Variants in PHLDB3 observed in about 807,000 individuals in gnomAD.
The protein encoded by PHLDB3 is pleckstrin homology like domain family B member 3.
Under a neutral mutation model 85.7 loss-of-function variants are expected in PHLDB3, and 86 were observed. The observed-to-expected ratio is 1.00, with a 90% confidence interval of 0.84 to 1.20. PHLDB3 has a LOEUF of 1.20. PHLDB3 is among the 50% of genes most tolerant of loss of function. PHLDB3 has a pLI of 0.00. For missense variants in PHLDB3, 995 were observed against 873.0 expected (o/e 1.14, Z -1.76); for synonymous variants, 376 against 349.8 (o/e 1.07, Z -0.83).
rs77019938 is a variant in PHLDB3, at chr19:43,480,217, A to C, written c.1486-624T>G. Among the ~76,000 whole-genome samples the C allele has an allele frequency of 1.4e-3, 210 of 147,456 alleles. 10 individuals carry two copies. The East Asian group carries it at 0.037, about 26-fold the overall frequency. On this transcript the variant is annotated intron_variant, in intron 13 of 15. Coordinates refer to ENST00000292140, the MANE Select transcript of PHLDB3 (RefSeq NM_198850.4). ...TGCGGTGGGAGGATCCCTTGATCCCAGAAGTTGGAAACCAGCCTGGGCAAC... is the reference window on the plus strand; with the variant it reads ...TGCGGTGGGAGGATCCCTTGATCCCCGAAGTTGGAAACCAGCCTGGGCAAC...
At chr19:43,476,234 T>C (rs1175306660) in intron 15 of PHLDB3, among the ~76,000 whole-genome samples, 2 of 152,226 alleles carry the variant, frequency 1.3e-5, no homozygotes, top group African/African-American at 4.8e-5. Flanking sequence ...GAATCCGTTA[T>C]TTGAGTACCC....
intron 13 of PHLDB3, among the ~76,000 whole-genome samples, chr19:43,481,298 C>T (rs879530607): frequency 2.6e-5 from 4 of 152,068 alleles, no homozygotes; most frequent in African/African-American, 4.8e-5. Context: ...CCTGGGGCAA[C>T]ATGGCGAAAC....
chr19:43,482,490 G>C (rs752143156), intron 13 of PHLDB3, among the ~76,000 whole-genome samples: 10 of 152,134 alleles, frequency 6.6e-5, no homozygotes, highest in Non-Finnish European at 1.0e-4. Flanking sequence ...AATAAATGAT[G>C]ATGCTAGAAG....
chr19:43,481,995 CAGAA>C (rs1971058425), intron 13 of PHLDB3, among the ~76,000 whole-genome samples: 1 of 152,140 alleles, frequency 6.6e-6, no homozygotes, highest in Non-Finnish European at 1.5e-5. Flanking sequence ...CAAATCCACA[CAGAA>C]AGACCAAGGA....
chr19:43,501,441 T>A, intron 4 of PHLDB3: 1 of 439,964 alleles, frequency 2.3e-6, no homozygotes, highest in South Asian at 2.6e-5. Flanking sequence ...CGCCTCGGCC[T>A]CCCAAAGTGC....
intron 4 of PHLDB3, among the ~76,000 whole-genome samples, chr19:43,498,247 G>A (rs1428934446): frequency 6.6e-6 from 1 of 152,186 alleles, no homozygotes; most frequent in Non-Finnish European, 1.5e-5. Context: ...GCTGAGGTGG[G>A]AGGATTGCTT....
chr19:43,487,591 A>AAAAAAAAAAAAACAAAAAAAAAAC (rs1167897767), intron 9 of PHLDB3, among the ~76,000 whole-genome samples: 4 of 115,766 alleles, frequency 3.5e-5, no homozygotes, highest in African/African-American at 1.3e-4. Flanking sequence ...AAAAAAAAAA[A>AAAAAAAAAAAAACAAAAAAAAAAC]ACACAGAAAA....
At chr19:43,494,926 A>G (rs753827180) in intron 8 of PHLDB3, 111 bp from the exon 9 acceptor site, 12 of 757,936 alleles carry the variant, frequency 1.6e-5, no homozygotes, top group Non-Finnish European at 2.4e-5. Flanking sequence ...TCAGAAAGAA[A>G]AACTAAGGAG....
In PHLDB3 at chr19:43,494,784, A is replaced by G. The variant is rs748318363; in HGVS notation, c.1067T>C (p.Leu356Pro). The stretch of plus-strand genomic sequence containing the variant: ...GGCCACGGCATCCTGGAGCACCAGC[A>G]GCTGGCGGTCTGTCTTCTGGGTGAA... ...LLFTQKTDRQ[L>P]LVLQDAVAHS... is the part of the protein sequence containing the mutation. Residue 356 changes from leucine to proline, a missense_variant, in exon 9 of 16, where the codon CTG becomes CCG. Physicochemically the swap from Leu to Pro is moderately conservative, Grantham distance 98. Transcript: ENST00000292140. 2 of 1,613,244 alleles carry G rather than the reference A, an allele frequency of 1.2e-6. No individual in the cohort carries two copies. Among genetic ancestry groups the G allele is most frequent in the South Asian group, 2.2e-5 (2 of 90,882 alleles).
Position 43,479,401 on chromosome 19 carries a change from C to T in PHLDB3, c.1678G>A (p.Ala560Thr), listed in dbSNP as rs760957695. 4 of 1,563,368 alleles carry T rather than the reference C, an allele frequency of 2.6e-6. No individual in the cohort carries two copies. The highest frequency in any genetic ancestry group is 4.8e-5 in the East Asian group (2 of 41,574). ...CCCGCATAGTAGGCCAAGCGGCGGG[C>T]TTGGCGGTCAAAGCAGAACCATCGC... ...RKRWFCFDRQARRLAYYADKE... is the reference protein window; with the variant it reads ...RKRWFCFDRQTRRLAYYADKE... Residue 560 changes from alanine to threonine, a missense_variant, in exon 14 of 16, where the codon GCC becomes ACC. Ala to Thr is a moderately conservative substitution (Grantham distance 58). Coordinates refer to ENST00000292140, the MANE Select transcript of PHLDB3 (RefSeq NM_198850.4).
At chr19:43,502,614 C>CTTTTTTTT (rs71336869) in intron 2 of PHLDB3, among the ~76,000 whole-genome samples, 5 of 114,792 alleles carry the variant, frequency 4.4e-5, no homozygotes, top group African/African-American at 1.4e-4. Context: ...ACGCCAAGCT[C>CTTTTTTTT]TTTTTTTTTT....
At chr19:43,500,493 C>G (rs1004371946) in intron 4 of PHLDB3, among the ~76,000 whole-genome samples, 1 of 152,078 alleles carries the variant, frequency 6.6e-6, no homozygotes, top group African/African-American at 2.4e-5. Context: ...TAGGAACCAC[C>G]AGAGATAAAA....
chr19:43,482,722 G>C (rs143888974), intron 13 of PHLDB3, among the ~76,000 whole-genome samples: 8,162 of 152,158 alleles, frequency 0.054, 391 homozygotes, highest in Admixed American at 0.14. Flanking sequence ...ATTTTCAGTA[G>C]AGACGGGGTT....
At position 43,487,075 on chromosome 19, in the gene PHLDB3, C is replaced by A; in HGVS notation, c.1198G>T (p.Glu400Ter). 6.3e-7 allele frequency: 1 copy of A among 1,577,434 alleles called. No individual in the cohort carries two copies. The highest frequency in any genetic ancestry group is 8.6e-7 in the Non-Finnish European group (1 of 1,161,838). The change falls in exon 10 of 16, where the codon GAG becomes TAG. Residue 400 changes from glutamate to a stop codon, truncating the protein, a stop_gained. Coordinates refer to ENST00000292140, the MANE Select transcript of PHLDB3 (RefSeq NM_198850.4). LOFTEE classifies it high-confidence loss of function. Reference sequence around the variant, plus strand: ...GGGGATCCTCTCTGGCTCCCCCTCTCCCCCCTTTTCCGGGGCAGGCTCCCA... The same window carrying A: ...GGGGATCCTCTCTGGCTCCCCCTCTACCCCCTTTTCCGGGGCAGGCTCCCA... Reference protein sequence around the residue: ...RTGSLPRKRGERGSQRGSPRP... With the variant: ...RTGSLPRKRG
chr19:43,475,327 G>A lies in PHLDB3; in HGVS notation c.*83C>T. The A allele has an allele frequency of 6.5e-7, 1 of 1,528,174 alleles. No homozygotes were observed. Among genetic ancestry groups the A allele is most frequent in the Non-Finnish European group, 8.8e-7 (1 of 1,130,836 alleles). The allele number at this position is 1,528,174 out of a possible 1,614,324, so 94.7% of individuals were successfully genotyped here. On this transcript the variant is annotated 3_prime_UTR_variant, in exon 16 of 16. Transcript: ENST00000292140. ...CAAAGCGGTGCGTCCAAGTTTTCCG[G>A]CAGTGGGCGGGGCCTAGGAACGCCC...
chr19:43,482,652 C>G (rs2145901014), intron 13 of PHLDB3, among the ~76,000 whole-genome samples: 1 of 152,284 alleles, frequency 6.6e-6, no homozygotes, highest in East Asian at 1.9e-4. Flanking sequence ...ATTCTCCTGC[C>G]TCAGCCTCTC....
rs1348245243 is a variant in PHLDB3 at position 43,495,588 on chromosome 19, C to T, written c.858G>A (p.Leu286=). 6 of 1,610,466 alleles carry T rather than the reference C, an allele frequency of 3.7e-6. No homozygotes were observed. The East Asian group carries it at 1.1e-4, about 30-fold the overall frequency. ...CCCCCAGTGACTTGAGCTGCTCTTC[C>T]AGGACCCGGATCCGGTGCTGCAGAG... is the stretch of plus-strand genomic sequence containing the variant. ...RGALQHRIRV[L]EEQLKSLGEQ... The change falls in exon 7 of 16, where the codon CTG becomes CTA. Residue 286 remains leucine, a synonymous_variant. Transcript: ENST00000292140.
intron 4 of PHLDB3, among the ~76,000 whole-genome samples, chr19:43,500,332 G>T (rs1971557656): frequency 6.6e-6 from 1 of 152,132 alleles, no homozygotes; most frequent in Admixed American, 6.6e-5. Context: ...AAGCACTTCT[G>T]AATACGATCA....
intron 4 of PHLDB3, 81 bp from the exon 5 acceptor site, chr19:43,497,957 G>C (rs1971504119): frequency 1.3e-6 from 2 of 1,517,200 alleles, no homozygotes; most frequent in Non-Finnish European, 1.8e-6. Context: ...GAGCCTGCCT[G>C]GGGTGTCGGC....
Sources: gnomAD v4.1 joint callset for allele counts (sites outside exome capture counted in the v4.1 genomes callset) on GRCh38, gnomAD v4.1.1 for gene constraint, MANE v1.5 for transcripts, NCBI Gene and HGNC (gene_info 2026-07-23, HGNC 2026-07-21) for gene names.